The following SMAD2 variants were observed in gnomAD, a reference collection of about 807,000 sequenced individuals.
SMAD2 encodes MAD homolog 2.
A neutral mutation model predicts 64.4 loss-of-function variants in SMAD2; 8 were observed. The observed-to-expected ratio is 0.12, with a 90% CI of 0.07 to 0.22. The LOEUF (loss-of-function observed/expected upper bound fraction) is 0.22. Ranked by LOEUF, SMAD2 falls within the 10% of genes least tolerant of loss-of-function variation. The pLI is 1.00. For missense variants in SMAD2, 289 were observed against 561.2 expected (o/e 0.51, Z 4.90); for synonymous variants, 203 against 195.8 (o/e 1.04, Z -0.31).
At chr18:47,857,875 G>A (rs917802297) in intron 6 of SMAD2, among the ~76,000 whole-genome samples, 2 of 152,216 alleles carry the variant, frequency 1.3e-5, no homozygotes, top group Admixed American at 1.3e-4. Context: ...AGGCTGGAAA[G>A]AAATAAGAAT....
Position 47,901,815 on chromosome 18 carries a change from A to G in SMAD2, c.-53-5006T>C, listed in dbSNP as rs181360824. On this transcript the variant is annotated intron_variant, in intron 1 of 10. Coordinates refer to ENST00000262160, the MANE Select transcript of SMAD2 (RefSeq NM_005901.6). Reference sequence around the variant, plus strand: ...GTTATCTTCTAGGTACCTAGATACTATAAGAATTGCTTTGTTTTTAAGAGA... The same window carrying G: ...GTTATCTTCTAGGTACCTAGATACTGTAAGAATTGCTTTGTTTTTAAGAGA... 1.6e-4 allele frequency among the ~76,000 whole-genome samples: 24 copies of G among 152,206 alleles called. 1 individual carries two copies. Among genetic ancestry groups the G allele is most frequent in the Admixed American group, 1.1e-3 (17 of 15,292 alleles).
chr18:47,851,427 A>C, intron 6 of SMAD2, 100 bp from the exon 7 acceptor site: 1 of 758,876 alleles, frequency 1.3e-6, no homozygotes, highest in Non-Finnish European at 2.3e-6. Context: ...CAACAATAAT[A>C]CAAAGATAAT....
intron 2 of SMAD2, among the ~76,000 whole-genome samples, chr18:47,886,667 T>G (rs923308140): frequency 1.3e-5 from 2 of 151,996 alleles, no homozygotes; most frequent in Non-Finnish European, 2.9e-5. Flanking sequence ...GTGAAGGAGT[T>G]AGTGAGAAGT....
At chr18:47,902,628 A>T (rs932820591) in intron 1 of SMAD2, among the ~76,000 whole-genome samples, 2 of 152,224 alleles carry the variant, frequency 1.3e-5, no homozygotes, top group Non-Finnish European at 2.9e-5. Context: ...TATATACTTA[A>T]AAAGTATTCC....
intron 2 of SMAD2, among the ~76,000 whole-genome samples, chr18:47,882,163 G>A (rs1045530405): frequency 4.0e-5 from 6 of 148,446 alleles, no homozygotes; most frequent in Middle Eastern, 3.5e-3. Flanking sequence ...TGGGATTAGA[G>A]GCATAAGCCA....
intron 1 of SMAD2, among the ~76,000 whole-genome samples, chr18:47,903,253 A>G (rs960866544): frequency 2.0e-5 from 3 of 152,136 alleles, no homozygotes; most frequent in Non-Finnish European, 4.4e-5. Context: ...CGAGGCTGAA[A>G]TGAGTAGCGA....
rs1389435890 is a variant in SMAD2 at position 47,822,440 on chromosome 18, T to C, written c.*19387A>G. ...GAAACTGATGAGTCCATGTAACTAC[T>C]AATTAAGATCAACCACAACAAAAAA... On this transcript the variant is annotated 3_prime_UTR_variant, in exon 11 of 11. Coordinates refer to ENST00000262160, the MANE Select transcript of SMAD2 (RefSeq NM_005901.6). The C allele has an allele frequency of 6.6e-6, 1 of 152,228 alleles. No homozygotes were observed. The highest frequency in any genetic ancestry group is 2.4e-5 in the African/African-American group (1 of 41,474). The allele number at this position is 152,228 out of a possible 1,614,324, so 9.4% of individuals were successfully genotyped here. A position where few individuals can be genotyped will look rare whatever the true frequency, so the allele number is the denominator to read the frequency against.
intron 2 of SMAD2, among the ~76,000 whole-genome samples, chr18:47,873,006 CGT>C (rs59959713): frequency 0.033 from 4,988 of 152,116 alleles, 454 homozygotes; most frequent in Admixed American, 0.19. Flanking sequence ...GGACTATAGG[CGT>C]GTGTCACCAC....
chr18:47,896,890 T>A, intron 1 of SMAD2, 81 bp from the exon 2 acceptor site: 1 of 1,297,022 alleles, frequency 7.7e-7, no homozygotes, highest in Non-Finnish European at 1.1e-6. Context: ...GAAAGCAAAC[T>A]GCAAAGCAAG....
intron 2 of SMAD2, among the ~76,000 whole-genome samples, chr18:47,892,139 A>G (rs2033224449): frequency 6.6e-6 from 1 of 152,062 alleles, no homozygotes; most frequent in African/African-American, 2.4e-5. Context: ...GTGGTATCTT[A>G]TACTAATAGA....
chr18:47,845,749 A>G lies in SMAD2; in HGVS notation c.1049T>C (p.Leu350Pro). The G allele has an allele frequency of 6.2e-7, 1 of 1,613,666 alleles. No individual in the cohort carries two copies. ...YIGGEVFAEC[L>P]SDSAIFVQSP... ...CTGCACAAAGATTGCACTATCACTT[A>G]GGCACTCAGCAAAAACTTCCCCACC... The change falls in exon 9 of 11, where the codon CTA becomes CCA. Residue 350 changes from leucine to proline, a missense_variant. Around this residue, in one of 6 missense-constraint regions of SMAD2, gnomAD observed 49 missense variants for 101.1 expected, o/e 0.48. Transcript: ENST00000262160.
rs59129117 is a variant in SMAD2, at chr18:47,837,561, C to CAAAAAAAAA, written c.*4257_*4265dup. On this transcript the variant is annotated 3_prime_UTR_variant, in exon 11 of 11. Coordinates refer to ENST00000262160, the MANE Select transcript of SMAD2 (RefSeq NM_005901.6). ...TGGGCAACAGAGCGAGACTCCCTCT[C>CAAAAAAAAA]AAAAAAAAAAAAAAAAAACAAAAAA... is the stretch of plus-strand genomic sequence containing the variant. 8 of 155,136 alleles carry CAAAAAAAAA rather than the reference C, an allele frequency of 5.2e-5. No individual in the cohort carries two copies. The highest frequency in any genetic ancestry group is 9.2e-5 in the Non-Finnish European group (8 of 86,710). 9.6% of individuals were successfully genotyped at this position (155,136 alleles called of 1,614,324 possible). A position where few individuals can be genotyped will look rare whatever the true frequency, so the allele number is the denominator to read the frequency against.
chr18:47,863,023 C>T (rs544182106), intron 6 of SMAD2, among the ~76,000 whole-genome samples: 8 of 151,850 alleles, frequency 5.3e-5, no homozygotes, highest in Admixed American at 3.3e-4. Flanking sequence ...AGTGCTTGTT[C>T]GTACACTTAC....
At chr18:47,873,890 T>C (rs1374295264) in intron 2 of SMAD2, among the ~76,000 whole-genome samples, 1 of 152,124 alleles carries the variant, frequency 6.6e-6, no homozygotes, top group African/African-American at 2.4e-5. Context: ...ACTGCAGTTT[T>C]ACTGACCTAG....
At position 47,840,847 on chromosome 18, in the gene SMAD2, C is replaced by T. The variant is rs1308845927; in HGVS notation, c.*980G>A. 4.3e-6 allele frequency: 1 copy of T among 231,832 alleles called. No homozygotes were observed. The highest frequency in any genetic ancestry group is 2.2e-5 in the African/African-American group (1 of 45,258). The allele number at this position is 231,832 out of a possible 1,614,324, so 14.4% of individuals were successfully genotyped here. On this transcript the variant is annotated 3_prime_UTR_variant, in exon 11 of 11. Transcript: ENST00000262160. ...ATGTGGAAGTAATTCTAGCATATCC[C>T]TGAAAATAATTATACTGCCACCTAT...
In SMAD2 at chr18:47,881,128, C is replaced by T. The variant is rs151091150; in HGVS notation, c.237-10564G>A. On this transcript the variant is annotated intron_variant, in intron 2 of 10. Transcript: ENST00000262160. Reference sequence around the variant, plus strand: ...ATTTCCTTCTTCCGAGTGTCAATCCCCTCTAAAACATGCCTATTTTTGTTT... The same window carrying T: ...ATTTCCTTCTTCCGAGTGTCAATCCTCTCTAAAACATGCCTATTTTTGTTT... Among the ~76,000 whole-genome samples the T allele has an allele frequency of 1.9e-4, 29 of 152,280 alleles. No homozygotes were observed. The East Asian group carries it at 5.4e-3, about 28-fold the overall frequency.
rs1484569962 is a variant in SMAD2 at position 47,835,569 on chromosome 18, G to A, written c.*6258C>T. Reference sequence around the variant, plus strand: ...ACTTAGTAAAATTTCTATTGCTACAGACAAATGCTAAAAACCAGCTTTATA... The same window carrying A: ...ACTTAGTAAAATTTCTATTGCTACAAACAAATGCTAAAAACCAGCTTTATA... On this transcript the variant is annotated 3_prime_UTR_variant, in exon 11 of 11. Transcript: ENST00000262160. 1 of 193,246 alleles carries A rather than the reference G, an allele frequency of 5.2e-6. No individual in the cohort carries two copies. The highest frequency in any genetic ancestry group is 2.3e-5 in the African/African-American group (1 of 43,090). 12.0% of individuals were successfully genotyped at this position (193,246 alleles called of 1,614,324 possible).
At chr18:47,854,974 T>C (rs893242803) in intron 6 of SMAD2, among the ~76,000 whole-genome samples, 1 of 152,212 alleles carries the variant, frequency 6.6e-6, no homozygotes, top group Non-Finnish European at 1.5e-5. Context: ...GTAGTTTCAC[T>C]GCCCTAAAAA....
intron 7 of SMAD2, among the ~76,000 whole-genome samples, chr18:47,849,902 G>A (rs1415270381): frequency 1.3e-5 from 2 of 151,630 alleles, no homozygotes; most frequent in Non-Finnish European, 2.9e-5. Context: ...CAGCTACTCA[G>A]GAGGCTGAGG....
Sources: gnomAD v4.1 joint callset for allele counts (sites outside exome capture counted in the v4.1 genomes callset) on GRCh38, gnomAD v4.1.1 for gene constraint, gnomAD v4.1.1 regional missense constraint, MANE v1.5 for transcripts, NCBI Gene and HGNC (gene_info 2026-07-23, HGNC 2026-07-21) for gene names.